C10orf90: variants seen among roughly 807,000 people sequenced by gnomAD.
C10orf90 encodes the protein (E2-independent) E3 ubiquitin-conjugating enzyme FATS.
C10orf90 carries 56 observed loss-of-function variants against 62.5 expected under a neutral mutation model. That is an observed-to-expected ratio of 0.90 (90% CI 0.72 to 1.12). The LOEUF (loss-of-function observed/expected upper bound fraction) is 1.12, where lower values mean the gene tolerates loss of function less well. C10orf90 is among the 50% of genes most tolerant of loss of function. The pLI is 0.00. For missense variants in C10orf90, 970 were observed against 880.4 expected (o/e 1.10, Z -1.29); for synonymous variants, 386 against 340.4 (o/e 1.13, Z -1.47).
Position 126,504,588 on chromosome 10 carries a change from C to G in C10orf90, c.903G>C (p.Val301=). 1 of 1,614,168 alleles carries G rather than the reference C, an allele frequency of 6.2e-7. No homozygotes were observed. The highest frequency in any genetic ancestry group is 8.5e-7 in the Non-Finnish European group (1 of 1,180,018). Residue 301 remains valine (V), a synonymous_variant, in exon 4 of 10, where the codon GTG becomes GTC. Coordinates refer to ENST00000488181, the MANE Select transcript of C10orf90 (RefSeq NM_001350921.2). The surrounding 1 kb of genome is among the most constrained non-coding windows in gnomAD (Gnocchi z 4.1). ...ACTEFSRNSS[V]VRLKVPEAHT... is the part of the protein sequence containing the mutation. ...GGGCCTCGGGAACCTTCAGCCGCAC[C>G]ACGGAGCTGTTTCTGGAGAACTCTG...
At chr10:126,573,654 C>A (rs756049153) in intron 2 of C10orf90, among the ~76,000 whole-genome samples, 1 of 152,134 alleles carries the variant, frequency 6.6e-6, no homozygotes, top group East Asian at 1.9e-4. Context: ...TTGAATGCTG[C>A]GCACACCTCC....
At chr10:126,476,137 GA>G (rs1860848621) in intron 4 of C10orf90, among the ~76,000 whole-genome samples, 1 of 152,166 alleles carries the variant, frequency 6.6e-6, no homozygotes, top group Non-Finnish European at 1.5e-5. Context: ...TCCATGTCAG[GA>G]AAGGAAGTGA....
rs181493368 is a variant in C10orf90, at chr10:126,428,931, C to T, written c.2252+856G>A. On this transcript the variant is annotated intron_variant, in intron 8 of 9. Transcript: ENST00000488181. ...TACAAAGAGGCCTCCAATAAATGAT[C>T]AAAGTTACCTAATCACCATGGAAAC... is the stretch of plus-strand genomic sequence containing the variant. Among the ~76,000 whole-genome samples the T allele has an allele frequency of 4.8e-3, 732 of 152,176 alleles. 3 individuals are homozygous for T. The highest frequency in any genetic ancestry group is 0.014 in the Middle Eastern group (4 of 294).
intron 4 of C10orf90, among the ~76,000 whole-genome samples, chr10:126,465,210 A>G (rs1860215095): frequency 6.6e-6 from 1 of 152,090 alleles, no homozygotes; most frequent in Non-Finnish European, 1.5e-5. Flanking sequence ...ATCTGCAGTG[A>G]GCAATAGAGT....
intron 2 of C10orf90, among the ~76,000 whole-genome samples, chr10:126,542,246 T>G (rs2133967983): frequency 6.6e-6 from 1 of 152,294 alleles, no homozygotes; most frequent in South Asian, 2.1e-4. Context: ...CTCACATCTG[T>G]AATCCCAGCA....
At chr10:126,589,572 AT>A (rs1269517538) in intron 2 of C10orf90, among the ~76,000 whole-genome samples, 4 of 152,240 alleles carry the variant, frequency 2.6e-5, no homozygotes, top group African/African-American at 9.6e-5. Flanking sequence ...AAAAGAAAGA[AT>A]TTCCAAGCCA....
At chr10:126,614,443 A>T (rs1004844955) in intron 2 of C10orf90, among the ~76,000 whole-genome samples, 7 of 152,142 alleles carry the variant, frequency 4.6e-5, no homozygotes, top group African/African-American at 1.2e-4. Flanking sequence ...GAAAAGCATT[A>T]AAAAAAGCCT....
chr10:126,582,372 A>G (rs1844770570), intron 2 of C10orf90, among the ~76,000 whole-genome samples: 1 of 152,146 alleles, frequency 6.6e-6, no homozygotes, highest in Non-Finnish European at 1.5e-5. Context: ...TCCCTGATGG[A>G]TCTCTACGGT....
At chr10:126,555,194 T>C (rs1389884296) in intron 2 of C10orf90, among the ~76,000 whole-genome samples, 1 of 152,114 alleles carries the variant, frequency 6.6e-6, no homozygotes, top group African/African-American at 2.4e-5. Context: ...TCCTTACTAA[T>C]TCACAACCTG....
chr10:126,497,898 G>A (rs1381607657), intron 4 of C10orf90, among the ~76,000 whole-genome samples: 1 of 152,200 alleles, frequency 6.6e-6, no homozygotes, highest in Non-Finnish European at 1.5e-5. Flanking sequence ...CTGCCATAGG[G>A]CTGCTGCTAC....
rs373421804 is a variant in C10orf90 at position 126,429,538 on chromosome 10, A to G, written c.2252+249T>C. On this transcript the variant is annotated intron_variant, in intron 8 of 9. Transcript: ENST00000488181. ...GAGTCTGGGAATCTCTTAGAGACCA[A>G]TTACTGGATTGGTTCAGAATCCAAG... Among the ~76,000 whole-genome samples, 9 of 152,350 alleles carry G rather than the reference A, an allele frequency of 5.9e-5. No individual in the cohort carries two copies. The East Asian group carries it at 7.7e-4, about 13-fold the overall frequency.
intron 7 of C10orf90, among the ~76,000 whole-genome samples, chr10:126,439,424 C>G (rs1233204984): frequency 1.3e-5 from 2 of 152,122 alleles, no homozygotes; most frequent in African/African-American, 2.4e-5. Flanking sequence ...AAGAAGGAAG[C>G]ATAATACCAA....
intron 2 of C10orf90, among the ~76,000 whole-genome samples, chr10:126,526,022 C>CAACACA (rs1378123960): frequency 1.7e-5 from 1 of 60,212 alleles, no homozygotes; most frequent in African/African-American, 5.5e-5. Flanking sequence ...ACACCTGCCA[C>CAACACA]AACACACACA....
At chr10:126,592,840 C>T (rs2804447) in intron 2 of C10orf90, among the ~76,000 whole-genome samples, 16,698 of 151,382 alleles carry the variant, frequency 0.11, 1,644 homozygotes, top group African/African-American at 0.24. Flanking sequence ...CTTGTATTTA[C>T]AAAAAAAGAA....
At chr10:126,429,034 T>C (rs1427083880) in intron 8 of C10orf90, among the ~76,000 whole-genome samples, 4 of 152,192 alleles carry the variant, frequency 2.6e-5, no homozygotes, top group Non-Finnish European at 5.9e-5. Flanking sequence ...ATGGTTTCTT[T>C]AAGTGCGCTA....
At chr10:126,519,737 G>A (rs7901536) in intron 2 of C10orf90, among the ~76,000 whole-genome samples, 140 of 152,286 alleles carry the variant, frequency 9.2e-4, no homozygotes, top group African/African-American at 3.0e-3. Context: ...TCTCTGGGAA[G>A]TCTTCCTGTC....
intron 2 of C10orf90, among the ~76,000 whole-genome samples, chr10:126,590,099 G>C (rs758521369): frequency 6.6e-6 from 1 of 152,110 alleles, no homozygotes; most frequent in South Asian, 2.1e-4. Context: ...AGACAAACAA[G>C]GGCGTTACAT....
chr10:126,616,251 A>G (rs1022067508), intron 2 of C10orf90, among the ~76,000 whole-genome samples: 1 of 152,144 alleles, frequency 6.6e-6, no homozygotes, highest in African/African-American at 2.4e-5. Flanking sequence ...ATAATAATCA[A>G]GAGTGTACTA....
chr10:126,640,349 G>A (rs1846035828), intron 2 of C10orf90, among the ~76,000 whole-genome samples: 2 of 152,244 alleles, frequency 1.3e-5, no homozygotes, highest in African/African-American at 2.4e-5. Flanking sequence ...CCACTCACAC[G>A]CTGATTCCCA....
Sources: allele counts gnomAD v4.1 joint callset (sites outside exome capture counted in the v4.1 genomes callset), GRCh38; gene constraint gnomAD v4.1.1; non-coding constraint Gnocchi (gnomAD v3.1); transcripts MANE v1.5; gene names NCBI Gene and HGNC (gene_info 2026-07-23, HGNC 2026-07-21).